Variants in GRIN2A observed in about 807,000 individuals in gnomAD.
GRIN2A encodes glutamate receptor ionotropic, NMDA 2A.
Under a neutral mutation model 113.4 loss-of-function variants are expected in GRIN2A, and 22 were observed. The ratio of observed to expected loss-of-function variants is 0.19; its 90% CI spans 0.14 to 0.28. The LOEUF (loss-of-function observed/expected upper bound fraction) is 0.28. Ranked by LOEUF, GRIN2A falls within the 10% of genes least tolerant of loss-of-function variation. The pLI is 1.00. For missense variants in GRIN2A, 1,502 were observed against 1,887.0 expected (o/e 0.80, Z 3.78); for synonymous variants, 827 against 738.4 (o/e 1.12, Z -1.94).
intron 2 of GRIN2A, among the ~76,000 whole-genome samples, chr16:10,019,199 CAG>C (rs1188048748): frequency 2.0e-5 from 3 of 152,124 alleles, no homozygotes; most frequent in Non-Finnish European, 4.4e-5. Context: ...AGGACACTAA[CAG>C]TACCTTCATG....
chr16:10,160,238 C>G (rs2049783660), intron 2 of GRIN2A, among the ~76,000 whole-genome samples: 1 of 152,226 alleles, frequency 6.6e-6, no homozygotes, highest in South Asian at 2.1e-4. Flanking sequence ...TACCTACTCT[C>G]CCTCAAAACA....
Position 10,073,013 on chromosome 16 carries a change from T to C in GRIN2A, c.414+106985A>G, listed in dbSNP as rs549408490. On this transcript the variant is annotated intron_variant, in intron 2 of 12. Transcript: ENST00000330684. ...TGCCCAGGCCCAGGCTGGAGTACAG[T>C]GGCCCAAGCTCGGCTTACTGCAACC... Among the ~76,000 whole-genome samples, 363 of 141,972 alleles carry C rather than the reference T, an allele frequency of 2.6e-3. 4 individuals carry two copies. Among genetic ancestry groups the C allele is most frequent in the African/African-American group, 9.2e-3 (349 of 37,846 alleles). 93.1% of individuals were successfully genotyped at this position (141,972 alleles called of 152,430 possible). A position where few individuals can be genotyped will look rare whatever the true frequency, so the allele number is the denominator to read the frequency against.
rs2141135951 is a variant in GRIN2A, at chr16:9,764,621, G to T, written c.2923C>A (p.Leu975Ile). Residue 975 changes from leucine to isoleucine, a missense_variant, in exon 13 of 13, where the codon CTC becomes ATC. Transcript: ENST00000330684. ...TGTCCCTGGAATACATAGTTATTGA[G>T]GTTATCCTTCTGCCGGTTGGCCACA... ...TFVANRQKDNLNNYVFQGQHP... is the reference protein window; with the variant it reads ...TFVANRQKDNINNYVFQGQHP... 6.2e-7 allele frequency: 1 copy of T among 1,614,130 alleles called. No homozygotes were observed.
At chr16:9,949,276 A>C (rs1426339095) in intron 2 of GRIN2A, among the ~76,000 whole-genome samples, 1 of 152,222 alleles carries the variant, frequency 6.6e-6, no homozygotes, top group Non-Finnish European at 1.5e-5. Flanking sequence ...GAACACATTC[A>C]GTGAAGGTAT....
intron 4 of GRIN2A, among the ~76,000 whole-genome samples, chr16:9,850,231 G>T (rs769223959): frequency 1.4e-4 from 21 of 152,126 alleles, no homozygotes; most frequent in Non-Finnish European, 2.9e-4. Flanking sequence ...TTACAGCCCC[G>T]CAGGTGGTTC....
At chr16:9,988,992 G>A (rs1452964038) in intron 2 of GRIN2A, among the ~76,000 whole-genome samples, 4 of 152,288 alleles carry the variant, frequency 2.6e-5, no homozygotes, top group African/African-American at 9.6e-5. Flanking sequence ...AAACAATGTT[G>A]AATCTTGATA....
intron 2 of GRIN2A, among the ~76,000 whole-genome samples, chr16:9,978,145 A>T (rs1384961355): frequency 6.6e-6 from 1 of 152,226 alleles, no homozygotes; most frequent in Non-Finnish European, 1.5e-5. Context: ...GCATAACGAA[A>T]GCACCAACTG....
At chr16:10,022,633 T>G (rs568535520) in intron 2 of GRIN2A, among the ~76,000 whole-genome samples, 3 of 152,230 alleles carry the variant, frequency 2.0e-5, no homozygotes, top group East Asian at 3.8e-4. Context: ...CAGGTCTTAT[T>G]CTTCTCTCCA....
At chr16:9,873,129 T>C (rs1041443837) in intron 4 of GRIN2A, among the ~76,000 whole-genome samples, 2 of 152,096 alleles carry the variant, frequency 1.3e-5, no homozygotes, top group Admixed American at 6.5e-5. Context: ...AGCTAAATAA[T>C]GCATACAGTT....
At chr16:10,097,996 T>C (rs957578802) in intron 2 of GRIN2A, among the ~76,000 whole-genome samples, 4 of 152,120 alleles carry the variant, frequency 2.6e-5, no homozygotes, top group African/African-American at 9.7e-5. Flanking sequence ...GTCAGCAGAC[T>C]AAATACACAA....
At position 9,756,635 on chromosome 16, in the gene GRIN2A, G is replaced by A. The variant is rs907818939; in HGVS notation, c.*6514C>T. 3.6e-5 allele frequency: 7 copies of A among 194,984 alleles called. No individual in the cohort carries two copies. Among genetic ancestry groups the A allele is most frequent in the African/African-American group, 1.6e-4 (7 of 43,182 alleles). The allele number at this position is 194,984 out of a possible 1,614,324, so 12.1% of individuals were successfully genotyped here. ...CAGTTTCCTTATCTGTAAAATGGGA[G>A]CAATCATATTTATATCTTAAGGTTG... On this transcript the variant is annotated 3_prime_UTR_variant, in exon 13 of 13. Coordinates refer to ENST00000330684, the MANE Select transcript of GRIN2A (RefSeq NM_001134407.3).
intron 2 of GRIN2A, chr16:9,970,724 A>G (rs1008999341): frequency 2.1e-6 from 2 of 946,630 alleles, no homozygotes; most frequent in Non-Finnish European, 2.5e-6. Context: ...AAATAAATAA[A>G]GCAGGCAGAG....
chr16:10,085,333 A>G (rs2048065872), intron 2 of GRIN2A, among the ~76,000 whole-genome samples: 1 of 152,232 alleles, frequency 6.6e-6, no homozygotes, highest in Admixed American at 6.5e-5. Flanking sequence ...TACATACTCA[A>G]GTTATAGGAG....
At chr16:10,144,452 A>G (rs1392157542) in intron 2 of GRIN2A, among the ~76,000 whole-genome samples, 1 of 152,168 alleles carries the variant, frequency 6.6e-6, no homozygotes, top group African/African-American at 2.4e-5. Context: ...GGCCATTTGC[A>G]TGTCTTCTTT....
intron 11 of GRIN2A, among the ~76,000 whole-genome samples, chr16:9,784,892 T>C (rs1212113844): frequency 2.0e-5 from 3 of 152,330 alleles, no homozygotes; most frequent in African/African-American, 7.2e-5. Context: ...CACAATGAGA[T>C]ACCATCTCAC....
At chr16:10,139,615 G>A (rs768689336) in intron 2 of GRIN2A, among the ~76,000 whole-genome samples, 5 of 152,108 alleles carry the variant, frequency 3.3e-5, no homozygotes, top group Non-Finnish European at 5.9e-5. Flanking sequence ...CTTTCTTTAC[G>A]ATAAGAATCA....
At chr16:9,937,416 C>G (rs2044737028) in intron 3 of GRIN2A, among the ~76,000 whole-genome samples, 1 of 152,156 alleles carries the variant, frequency 6.6e-6, no homozygotes, top group Admixed American at 6.5e-5. Flanking sequence ...ACCCCATTCT[C>G]CATGACGTGC....
At chr16:10,072,575 T>G (rs1452951074) in intron 2 of GRIN2A, among the ~76,000 whole-genome samples, 1 of 152,156 alleles carries the variant, frequency 6.6e-6, no homozygotes, top group Admixed American at 6.5e-5. Flanking sequence ...CAGTCAAGTT[T>G]GAGAACCACT....
At chr16:10,083,196 G>C (rs2048017241) in intron 2 of GRIN2A, among the ~76,000 whole-genome samples, 1 of 152,224 alleles carries the variant, frequency 6.6e-6, no homozygotes, top group Non-Finnish European at 1.5e-5. Context: ...CTACAGTAGA[G>C]ACAATGCAAA....
Sources: allele counts gnomAD v4.1 joint callset (sites outside exome capture counted in the v4.1 genomes callset), GRCh38; gene constraint gnomAD v4.1.1; transcripts MANE v1.5; gene names NCBI Gene and HGNC (gene_info 2026-07-23, HGNC 2026-07-21).